Variants in EPC2 observed in about 807,000 individuals in gnomAD.
EPC2 encodes the protein enhancer of polycomb 2, also known as enhancer of polycomb homolog 2.
A neutral mutation model predicts 92.1 loss-of-function variants in EPC2; 14 were observed. The observed-to-expected ratio is 0.15, with a 90% confidence interval of 0.10 to 0.24. The LOEUF (loss-of-function observed/expected upper bound fraction) is 0.24. EPC2 is among the 10% of genes least tolerant of loss of function. The probability of loss-of-function intolerance (pLI) is 1.00; values close to 1 mark genes in which losing one functional copy is unlikely to be tolerated. For missense variants in EPC2, 755 were observed against 971.5 expected (o/e 0.78, Z 2.96); for synonymous variants, 340 against 334.7 (o/e 1.02, Z -0.17).
intron 4 of EPC2, among the ~76,000 whole-genome samples, chr2:148,759,086 ATTG>A (rs1683249432): frequency 6.6e-6 from 1 of 152,056 alleles, no homozygotes; most frequent in Admixed American, 6.6e-5. Context: ...GAAAAAATGT[ATTG>A]TTATTATTAT....
At chr2:148,676,278 T>A (rs1681259432) in intron 1 of EPC2, among the ~76,000 whole-genome samples, 1 of 151,956 alleles carries the variant, frequency 6.6e-6, no homozygotes, top group Non-Finnish European at 1.5e-5. Context: ...TTTCAGAATG[T>A]CAAAGTAGCT....
intron 7 of EPC2, among the ~76,000 whole-genome samples, chr2:148,767,928 C>T (rs942455134): frequency 2.0e-5 from 3 of 152,132 alleles, no homozygotes; most frequent in Non-Finnish European, 4.4e-5. Context: ...GTAAAATTCA[C>T]GTTTGGGATT....
At chr2:148,756,541 C>T (rs534136692) in intron 4 of EPC2, among the ~76,000 whole-genome samples, 3 of 152,262 alleles carry the variant, frequency 2.0e-5, no homozygotes, top group Admixed American at 2.0e-4. Context: ...ATTTGTTTGG[C>T]TGTCTGGAAT....
At chr2:148,656,018 TGTGTGTGG>T (rs1286937758) in intron 1 of EPC2, among the ~76,000 whole-genome samples, 1 of 84,994 alleles carries the variant, frequency 1.2e-5, no homozygotes, top group Non-Finnish European at 2.4e-5. Context: ...TGTGTGTGTG[TGTGTGTGG>T]GGGGGGGGGG....
chr2:148,712,163 T>C (rs1444073815), intron 2 of EPC2, among the ~76,000 whole-genome samples: 1 of 152,170 alleles, frequency 6.6e-6, no homozygotes, highest in Non-Finnish European at 1.5e-5. Context: ...TTCTACACTT[T>C]TTGTGCTTTT....
chr2:148,715,181 G>A (rs368660543), intron 2 of EPC2, among the ~76,000 whole-genome samples: 8 of 151,930 alleles, frequency 5.3e-5, no homozygotes, highest in African/African-American at 1.9e-4. Flanking sequence ...CTACAGGCAC[G>A]TGCCACCGCA....
rs555216137 is a variant in EPC2 at position 148,784,250 on chromosome 2, T to C, written c.2018-418T>C. ...ACCCTGAGTCCGCAAAGACTTGTTA[T>C]TCCTATCATCCTTCAACTACCTCTC... On this transcript the variant is annotated intron_variant, in intron 12 of 13. Coordinates refer to ENST00000258484, the MANE Select transcript of EPC2 (RefSeq NM_015630.4). Among the ~76,000 whole-genome samples, 56 of 152,330 alleles carry C rather than the reference T, an allele frequency of 3.7e-4. 1 individual carries two copies. In the South Asian group the frequency reaches 0.01, roughly 28 times the overall value.
At chr2:148,714,184 T>TA (rs1389325945) in intron 2 of EPC2, among the ~76,000 whole-genome samples, 1 of 152,076 alleles carries the variant, frequency 6.6e-6, no homozygotes, top group African/African-American at 2.4e-5. Context: ...GTTTCTGTGT[T>TA]AGTTTGCTAA....
In EPC2 at chr2:148,650,181, T is replaced by C. The variant is rs140534663; in HGVS notation, c.153+5011T>C. On this transcript the variant is annotated intron_variant, in intron 1 of 13. Transcript: ENST00000258484. ...AGTGCCTGGAACTGTGCCTGGCACATAATACATGCTTGCAAAATGTTTGTT... is the reference window on the plus strand; with the variant it reads ...AGTGCCTGGAACTGTGCCTGGCACACAATACATGCTTGCAAAATGTTTGTT... Among the ~76,000 whole-genome samples the C allele has an allele frequency of 4.9e-3, 747 of 152,324 alleles. 30 individuals are homozygous for C. Among genetic ancestry groups the C allele is most frequent in the Admixed American group, 0.044 (676 of 15,298 alleles).
intron 1 of EPC2, among the ~76,000 whole-genome samples, chr2:148,667,652 C>A (rs1558802945): frequency 6.6e-6 from 1 of 152,058 alleles, no homozygotes; most frequent in Non-Finnish European, 1.5e-5. Context: ...TTTCTTTTGT[C>A]TGATGATTAC....
At chr2:148,717,683 AAGTAAGTGCCGTGC>A (rs1254243803) in intron 2 of EPC2, among the ~76,000 whole-genome samples, 1 of 152,116 alleles carries the variant, frequency 6.6e-6, no homozygotes, top group Non-Finnish European at 1.5e-5. Flanking sequence ...AATTTTACTC[AAGTAAGTGCCGTGC>A]AGTAATGAGA....
At chr2:148,739,744 C>T (rs1682838729) in intron 2 of EPC2, among the ~76,000 whole-genome samples, 1 of 151,782 alleles carries the variant, frequency 6.6e-6, no homozygotes, top group Admixed American at 6.6e-5. Context: ...ACTTTCCTTC[C>T]TACTTGCTTT....
intron 4 of EPC2, among the ~76,000 whole-genome samples, chr2:148,755,475 A>T (rs1683171318): frequency 6.6e-6 from 1 of 152,188 alleles, no homozygotes; most frequent in Non-Finnish European, 1.5e-5. Context: ...TATGTCATAT[A>T]TATGTTGCAT....
At position 148,690,255 on chromosome 2, in the gene EPC2, T is replaced by G; in HGVS notation, c.195T>G (p.Phe65Leu). The change falls in exon 2 of 14, where the codon TTT becomes TTG. Residue 65 changes from phenylalanine (F) to leucine (L), a missense_variant. By Grantham distance (22) the Phe-to-Leu change is conservative. Coordinates refer to ENST00000258484, the MANE Select transcript of EPC2 (RefSeq NM_015630.4). ...GAGCAATTTCAGCACAGCAAGTGTT[T>G]AGAGAAAAAAAAGAGAGTATGGTCA... The part of the protein sequence containing the change: ...LQRAISAQQV[F>L]REKKESMVIP... 1 of 1,609,052 alleles carries G rather than the reference T, an allele frequency of 6.2e-7. No individual in the cohort carries two copies. The highest frequency in any genetic ancestry group is 8.5e-7 in the Non-Finnish European group (1 of 1,178,592).
rs1173143677 is a variant in EPC2 at position 148,781,720 on chromosome 2, C to G, written c.1797C>G (p.Ala599=). 2 of 1,613,962 alleles carry G rather than the reference C, an allele frequency of 1.2e-6. No homozygotes were observed. Among genetic ancestry groups the G allele is most frequent in the South Asian group, 2.2e-5 (2 of 91,084 alleles). ...QLVQMQRQQL[A]QLQQKQQSQH... ...TTCAGATGCAAAGGCAGCAACTTGC[C>G]CAGCTTCAGCAGAAACAGCAATCTC... Residue 599 remains alanine, a synonymous_variant, in exon 11 of 14, where the codon GCC becomes GCG. Coordinates refer to ENST00000258484, the MANE Select transcript of EPC2 (RefSeq NM_015630.4).
intron 2 of EPC2, among the ~76,000 whole-genome samples, chr2:148,737,745 T>C (rs1278113276): frequency 6.6e-6 from 1 of 151,930 alleles, no homozygotes; most frequent in African/African-American, 2.4e-5. Context: ...CTGGGCCACA[T>C]TGGAAGAAGA....
At chr2:148,688,894 A>G (rs1159808322) in intron 1 of EPC2, among the ~76,000 whole-genome samples, 45 of 152,208 alleles carry the variant, frequency 3.0e-4, no homozygotes, top group African/African-American at 9.4e-4. Context: ...TAAACAAATG[A>G]GATCTTTACT....
intron 2 of EPC2, among the ~76,000 whole-genome samples, chr2:148,712,753 T>C (rs76323274): frequency 0.021 from 3,118 of 151,954 alleles, 106 homozygotes; most frequent in African/African-American, 0.069. Flanking sequence ...TGTGGTAATA[T>C]ATTCCTATAG....
intron 2 of EPC2, among the ~76,000 whole-genome samples, chr2:148,705,539 G>A (rs908503531): frequency 2.0e-5 from 3 of 152,170 alleles, no homozygotes; most frequent in Non-Finnish European, 4.4e-5. Flanking sequence ...GTGGGTCCCT[G>A]ACCCCTGTGC....
Sources: allele counts gnomAD v4.1 joint callset (sites outside exome capture counted in the v4.1 genomes callset), GRCh38; gene constraint gnomAD v4.1.1; transcripts MANE v1.5; gene names NCBI Gene and HGNC (gene_info 2026-07-23, HGNC 2026-07-21).